Variants in HHIPL2 observed in about 807,000 individuals in gnomAD.
The protein encoded by HHIPL2 is HHIP like 2, also known as HHIP-like protein 2.
HHIPL2 carries 61 observed loss-of-function variants against 61.0 expected under a neutral mutation model. The observed-to-expected ratio is 1.00, with a 90% CI of 0.81 to 1.24. The LOEUF (loss-of-function observed/expected upper bound fraction) is 1.24, where lower values mean the gene tolerates loss of function less well. HHIPL2 is among the 50% of genes most tolerant of loss of function. The pLI is 0.00. For synonymous variants in HHIPL2, 343 were observed against 357.4 expected, an observed-to-expected ratio of 0.96 and a Z score of 0.45; for missense variants, 885 against 910.2, an observed-to-expected ratio of 0.97 and a Z score of 0.36.
intron 3 of HHIPL2, among the ~76,000 whole-genome samples, 168 bp from the exon 4 acceptor site, chr1:222,540,509 G>C (rs1231633629): frequency 2.0e-5 from 3 of 152,184 alleles, no homozygotes; most frequent in Non-Finnish European, 4.4e-5. Context: ...CCGCAAGTAT[G>C]AGCTTGAAGA....
intron 6 of HHIPL2, among the ~76,000 whole-genome samples, chr1:222,529,921 A>C (rs1659152500): frequency 6.6e-6 from 1 of 152,222 alleles, no homozygotes; most frequent in African/African-American, 2.4e-5. Flanking sequence ...AAAATAATGA[A>C]ATAAGGCTCA....
At chr1:222,536,801 G>A (rs139277056) in intron 5 of HHIPL2, among the ~76,000 whole-genome samples, 1,527 of 152,142 alleles carry the variant, frequency 0.01, 31 homozygotes, top group African/African-American at 0.034. Flanking sequence ...TGTAATCCTA[G>A]CACTTTGGGA....
chr1:222,528,329 G>A (rs145634742), intron 6 of HHIPL2, among the ~76,000 whole-genome samples: 64 of 152,282 alleles, frequency 4.2e-4, no homozygotes, highest in African/African-American at 1.3e-3. Flanking sequence ...TAACCAGGCC[G>A]GGCGCGGTAG....
Position 222,538,793 on chromosome 1 carries a change from A to G in HHIPL2, c.1451-19T>C, listed in dbSNP as rs1021704891. 9.9e-6 allele frequency: 16 copies of G among 1,612,172 alleles called. No homozygotes were observed. The highest frequency in any genetic ancestry group is 2.7e-5 in the African/African-American group (2 of 74,890). On this transcript the variant is annotated intron_variant, in intron 4 of 8. Transcript: ENST00000343410. ...ACATCATCTGTCCAGGAGAGAGGAAAGAGAGTGAGTGTCGTGGCCTAAAAT... is the reference window on the plus strand; with the variant it reads ...ACATCATCTGTCCAGGAGAGAGGAAGGAGAGTGAGTGTCGTGGCCTAAAAT...
intron 1 of HHIPL2, among the ~76,000 whole-genome samples, chr1:222,545,250 T>C (rs1659529932): frequency 6.6e-6 from 1 of 152,188 alleles, no homozygotes; most frequent in Admixed American, 6.5e-5. Context: ...AGGACTCTCC[T>C]GAGCCAGCCA....
chr1:222,538,529 C>A (rs777470500), intron 5 of HHIPL2, 119 bp downstream of exon 5: 11 of 925,038 alleles, frequency 1.2e-5, no homozygotes, highest in Non-Finnish European at 1.6e-5. Flanking sequence ...TGAGTGCATA[C>A]ATTTGTAAAA....
At chr1:222,526,902 T>C in intron 7 of HHIPL2, 67 bp downstream of exon 7, 1 of 1,344,916 alleles carries the variant, frequency 7.4e-7, no homozygotes. Context: ...GGACTGTTTT[T>C]ATGGCCTGCC....
At chr1:222,531,127 C>T (rs4846760) in intron 6 of HHIPL2, among the ~76,000 whole-genome samples, 69,958 of 151,754 alleles carry the variant, frequency 0.46, 16,976 homozygotes, top group East Asian at 0.66. Context: ...AGTCTGTCTA[C>T]TGAGCAACCT....
At chr1:222,529,433 T>C (rs1316968833) in intron 6 of HHIPL2, among the ~76,000 whole-genome samples, 2 of 152,150 alleles carry the variant, frequency 1.3e-5, no homozygotes, top group Non-Finnish European at 2.9e-5. Flanking sequence ...CTCGAAACCA[T>C]GCAAAGGCCT....
At chr1:222,543,306 G>T (rs1389646305) in intron 2 of HHIPL2, among the ~76,000 whole-genome samples, 1 of 152,194 alleles carries the variant, frequency 6.6e-6, no homozygotes, top group Non-Finnish European at 1.5e-5. Context: ...CCTTTGTAAA[G>T]ACAGGAAAGT....
At chr1:222,547,193 C>A (rs938264061) in intron 1 of HHIPL2, among the ~76,000 whole-genome samples, 8 of 152,204 alleles carry the variant, frequency 5.3e-5, no homozygotes, top group African/African-American at 1.7e-4. Context: ...CTCTCTCTTC[C>A]AGCTCTGGAG....
At chr1:222,538,244 G>GTGTGTGTGTA (rs1553270691) in intron 5 of HHIPL2, among the ~76,000 whole-genome samples, 1 of 148,588 alleles carries the variant, frequency 6.7e-6, no homozygotes, top group East Asian at 2.0e-4. Flanking sequence ...GTGTGTGTGT[G>GTGTGTGTGTA]TGTGTATGTA....
chr1:222,523,375 G>A (rs1308621963), intron 8 of HHIPL2, among the ~76,000 whole-genome samples: 2 of 152,186 alleles, frequency 1.3e-5, no homozygotes, highest in Admixed American at 6.5e-5. Context: ...ATACATGAAC[G>A]ATTAAATGAA....
intron 6 of HHIPL2, among the ~76,000 whole-genome samples, chr1:222,528,335 G>A (rs537066980): frequency 6.6e-6 from 1 of 152,316 alleles, no homozygotes; most frequent in African/African-American, 2.4e-5. Context: ...GGCCGGGCGC[G>A]GTAGCTCATG....
At chr1:222,530,354 G>A (rs556839662) in intron 6 of HHIPL2, among the ~76,000 whole-genome samples, 46 of 152,226 alleles carry the variant, frequency 3.0e-4, no homozygotes, top group Middle Eastern at 6.8e-3. Context: ...AGGGGTGTCC[G>A]GCAGAGGAGA....
chr1:222,522,748 C>T lies in HHIPL2; in HGVS notation c.2028G>A (p.Lys676=), dbSNP rs751630771. 1.1e-5 allele frequency: 17 copies of T among 1,614,050 alleles called. No homozygotes were observed. In the Admixed American group the frequency reaches 2.5e-4, roughly 24 times the overall value. ...TTGTACCAGGCCCTCGCAATGTATT[C>T]TTGCTGCTTGTAGGAGAAGCCAGCT... The part of the protein sequence containing the change: ...SKKLASPTSS[K]NTLRGPGTKK... Residue 676 remains lysine, a synonymous_variant, in exon 9 of 9, where the codon AAG becomes AAA. Coordinates refer to ENST00000343410, the MANE Select transcript of HHIPL2 (RefSeq NM_024746.4).
chr1:222,540,177 C>G lies in HHIPL2; in HGVS notation c.1283G>C (p.Arg428Pro). ...GCCCTGGCGCGTGATGGGGTCCCCT[C>G]GGTCCACAGCACAACGCCACATGTT... is the stretch of plus-strand genomic sequence containing the variant. ...IRNMWRCAVDRGDPITRQGRG... is the reference protein window; with the variant it reads ...IRNMWRCAVDPGDPITRQGRG... Residue 428 changes from arginine to proline, a missense_variant, in exon 4 of 9, where the codon CGA (arginine) becomes CCA (proline). Coordinates refer to ENST00000343410, the MANE Select transcript of HHIPL2 (RefSeq NM_024746.4). 3.7e-6 allele frequency: 6 copies of G among 1,614,244 alleles called. No homozygotes were observed. Among genetic ancestry groups the G allele is most frequent in the Non-Finnish European group, 5.1e-6 (6 of 1,180,042 alleles).
Position 222,540,078 on chromosome 1 carries a change from T to A in HHIPL2, c.1382A>T (p.Asn461Ile), listed in dbSNP as rs944732987. ...EEVDLILKGG[N>I]YGWRAKEGFA... ...CCCTTCCTTTGCTCTCCAGCCATAG[T>A]TTCCACCTTTCAAAATGAGGTCAAC... The change falls in exon 4 of 9, where the codon AAC becomes ATC. Residue 461 changes from asparagine to isoleucine, a missense_variant. Coordinates refer to ENST00000343410, the MANE Select transcript of HHIPL2 (RefSeq NM_024746.4). The A allele has an allele frequency of 6.2e-7, 1 of 1,614,264 alleles. No individual in the cohort carries two copies. The highest frequency in any genetic ancestry group is 2.2e-5 in the East Asian group (1 of 44,884).
At chr1:222,538,893 G>T in intron 4 of HHIPL2, 119 bp from the exon 5 acceptor site, 1 of 945,854 alleles carries the variant, frequency 1.1e-6, no homozygotes, top group Non-Finnish European at 1.6e-6. Flanking sequence ...TTACCTCTTG[G>T]TCTTCAGTAG....
Sources: gnomAD v4.1 joint callset for allele counts (sites outside exome capture counted in the v4.1 genomes callset) on GRCh38, gnomAD v4.1.1 for gene constraint, MANE v1.5 for transcripts, NCBI Gene and HGNC (gene_info 2026-07-23, HGNC 2026-07-21) for gene names.